Variants in GRM1 observed in about 807,000 individuals in gnomAD.
The protein encoded by GRM1 is glutamate metabotropic receptor 1, also known as metabotropic glutamate receptor 1.
A neutral mutation model predicts 90.9 loss-of-function variants in GRM1; 33 were observed. That is an observed-to-expected ratio of 0.36 (90% CI 0.28 to 0.49). The LOEUF (loss-of-function observed/expected upper bound fraction) is 0.49. GRM1 is among the 20% of genes least tolerant of loss of function. GRM1 has a pLI of 0.99. For missense variants in GRM1, 1,190 were observed against 1,534.3 expected (o/e 0.78, Z 3.75); for synonymous variants, 700 against 613.2 (o/e 1.14, Z -2.09).
At chr6:146,355,645 A>T (rs924928799) in intron 4 of GRM1, among the ~76,000 whole-genome samples, 1 of 152,178 alleles carries the variant, frequency 6.6e-6, no homozygotes, top group Non-Finnish European at 1.5e-5. Context: ...ATCAACTGAC[A>T]TTCCTTGTCT....
In GRM1 at chr6:146,178,084, C is replaced by T. The variant is rs549324814; in HGVS notation, c.950+18487C>T. Among the ~76,000 whole-genome samples the T allele has an allele frequency of 9.7e-4, 148 of 152,124 alleles. 1 individual carries two copies. Among genetic ancestry groups the T allele is most frequent in the African/African-American group, 3.2e-3 (134 of 41,520 alleles). ...CATTATAACAAAAGTCTATGTTTTCCGCAGATCATAGTTTTTACTTACTGT... is the reference window on the plus strand; with the variant it reads ...CATTATAACAAAAGTCTATGTTTTCTGCAGATCATAGTTTTTACTTACTGT... On this transcript the variant is annotated intron_variant, in intron 2 of 7. Transcript: ENST00000282753.
intron 2 of GRM1, among the ~76,000 whole-genome samples, chr6:146,296,454 T>A (rs1262560117): frequency 6.6e-6 from 1 of 152,214 alleles, no homozygotes; most frequent in Non-Finnish European, 1.5e-5. Flanking sequence ...TTTAGCAATT[T>A]AAAAATACAC....
At chr6:146,426,601 G>A (rs769829086) in intron 7 of GRM1, 24 of 1,608,788 alleles carry the variant, frequency 1.5e-5, no homozygotes, top group Non-Finnish European at 2.0e-5. Flanking sequence ...AATGTCCGTC[G>A]GCACATGTGC....
At chr6:146,146,467 T>A (rs1365335126) in intron 1 of GRM1, among the ~76,000 whole-genome samples, 1 of 152,058 alleles carries the variant, frequency 6.6e-6, no homozygotes, top group African/African-American at 2.4e-5. Context: ...GACTTTTGTG[T>A]TGGTGTTGGA....
intron 2 of GRM1, among the ~76,000 whole-genome samples, chr6:146,212,819 A>C (rs1779724506): frequency 6.6e-6 from 1 of 152,158 alleles, no homozygotes; most frequent in Non-Finnish European, 1.5e-5. Context: ...CTAGTTTATG[A>C]AGTATATATA....
chr6:146,080,723 G>A (rs1204922938), intron 1 of GRM1, among the ~76,000 whole-genome samples: 1 of 152,176 alleles, frequency 6.6e-6, no homozygotes, highest in East Asian at 1.9e-4. Flanking sequence ...GGGAGGAAAT[G>A]CACGTAGCAA....
intron 3 of GRM1, among the ~76,000 whole-genome samples, chr6:146,318,643 C>A (rs1383063085): frequency 6.6e-6 from 1 of 152,148 alleles, no homozygotes; most frequent in Non-Finnish European, 1.5e-5. Flanking sequence ...GTTCCTATTT[C>A]TCCACATCCT....
At chr6:146,392,547 A>C (rs1776766343) in intron 6 of GRM1, among the ~76,000 whole-genome samples, 4 of 152,044 alleles carry the variant, frequency 2.6e-5, no homozygotes, top group Admixed American at 2.6e-4. Context: ...TTCTTTTTTA[A>C]AATTATACTT....
chr6:146,286,327 T>G (rs1023644010), intron 2 of GRM1, among the ~76,000 whole-genome samples: 4 of 152,164 alleles, frequency 2.6e-5, no homozygotes, highest in African/African-American at 9.6e-5. Flanking sequence ...GAGGAGGTAC[T>G]TTTAAATTTA....
chr6:146,141,030 A>C (rs1463392646), intron 1 of GRM1, among the ~76,000 whole-genome samples: 1 of 151,576 alleles, frequency 6.6e-6, no homozygotes, highest in African/African-American at 2.4e-5. Context: ...AGATTGAAGA[A>C]CTCCCTTTAG....
intron 1 of GRM1, among the ~76,000 whole-genome samples, chr6:146,061,349 ACC>A (rs1775661497): frequency 1.3e-5 from 2 of 152,140 alleles, no homozygotes; most frequent in Non-Finnish European, 2.9e-5. Context: ...ACTGCCACAT[ACC>A]TTCAATTTGT....
chr6:146,109,210 A>G (rs993234920), intron 1 of GRM1, among the ~76,000 whole-genome samples: 2 of 152,176 alleles, frequency 1.3e-5, no homozygotes, highest in Non-Finnish European at 2.9e-5. Context: ...TTTTTATGGC[A>G]GCCCCCCCAA....
rs183327506 is a variant in GRM1 at position 146,373,824 on chromosome 6, T to C, written c.1603-13066T>C. ...CATCTACAAACAAGGACAATTTGAC[T>C]TCTCCCTTTCCAATTTGGATGCCCT... On this transcript the variant is annotated intron_variant, in intron 5 of 7. Coordinates refer to ENST00000282753, the MANE Select transcript of GRM1 (RefSeq NM_001278064.2). Among the ~76,000 whole-genome samples, 23 of 152,272 alleles carry C rather than the reference T, an allele frequency of 1.5e-4. No homozygotes were observed. The East Asian group carries it at 3.7e-3, about 24-fold the overall frequency.
At chr6:146,159,928 A>G (rs2128891201) in intron 2 of GRM1, 1 of 219,554 alleles carries the variant, frequency 4.6e-6, no homozygotes, top group South Asian at 7.8e-5. Flanking sequence ...AAAAAAAAAA[A>G]AAAAAAAGGA....
At chr6:146,181,243 A>AC (rs1477422462) in intron 2 of GRM1, among the ~76,000 whole-genome samples, 2 of 151,972 alleles carry the variant, frequency 1.3e-5, no homozygotes, top group African/African-American at 4.8e-5. Flanking sequence ...CACCTTTAAA[A>AC]AAAAAACAAA....
At chr6:146,078,979 A>T (rs1776276801) in intron 1 of GRM1, among the ~76,000 whole-genome samples, 1 of 152,130 alleles carries the variant, frequency 6.6e-6, no homozygotes. Flanking sequence ...AAATCTCCAC[A>T]AAGTGGGAGG....
intron 1 of GRM1, among the ~76,000 whole-genome samples, chr6:146,066,792 G>T (rs1031908756): frequency 3.3e-5 from 5 of 151,866 alleles, no homozygotes; most frequent in Non-Finnish European, 5.9e-5. Flanking sequence ...GAGAGAGAGA[G>T]AGAACACAGT....
At chr6:146,257,987 TA>T (rs11419823) in intron 2 of GRM1, among the ~76,000 whole-genome samples, 49 of 147,914 alleles carry the variant, frequency 3.3e-4, no homozygotes, top group Admixed American at 6.7e-4. Flanking sequence ...TGTTCTTCCG[TA>T]AAAAAAAAAA....
chr6:146,425,297 C>A (rs1778156041), intron 7 of GRM1, among the ~76,000 whole-genome samples: 1 of 152,120 alleles, frequency 6.6e-6, no homozygotes, highest in African/African-American at 2.4e-5. Context: ...CCAGAGTATT[C>A]TTGTTTAAAA....
Sources: gnomAD v4.1 joint callset for allele counts (sites outside exome capture counted in the v4.1 genomes callset) on GRCh38, gnomAD v4.1.1 for gene constraint, MANE v1.5 for transcripts, NCBI Gene and HGNC (gene_info 2026-07-23, HGNC 2026-07-21) for gene names.